The following C13orf46 variants were observed in gnomAD, a reference collection of about 807,000 sequenced individuals.
C13orf46 encodes the protein chromosome 13 open reading frame 46.
At chr13:113,936,871 G>T in the C13orf46 span, among the ~76,000 whole-genome samples, 3 of 152,096 alleles carry the variant, frequency 2.0e-5, no homozygotes, top group African/African-American at 4.8e-5. Flanking sequence ...CCAGTCTTAG[G>T]TTCCACCGTA....
At chr13:113,932,316 C>G in the C13orf46 span, among the ~76,000 whole-genome samples, 1 of 152,324 alleles carries the variant, frequency 6.6e-6, no homozygotes, top group South Asian at 2.1e-4. Context: ...GAACCGTTCC[C>G]TGTGGTTCTT....
rs1377378020 is a variant in C13orf46 at position 113,969,152 on chromosome 13, G to A, written c.243-392C>T. The stretch of plus-strand genomic sequence containing the variant: ...ATGGGCCATGCTGGCCAGTAGGCTG[G>A]AGGGTCCACGGTTGGCCCTGCTGTT... On this transcript the variant is annotated intron_variant, in intron 2 of 6. Transcript: ENST00000636427. 3.9e-5 allele frequency among the ~76,000 whole-genome samples: 6 copies of A among 152,260 alleles called. No homozygotes were observed. The East Asian group carries it at 1.2e-3, about 29-fold the overall frequency.
At chr13:113,945,653 AAAGAAAG>A in the C13orf46 span, among the ~76,000 whole-genome samples, 32 of 138,192 alleles carry the variant, frequency 2.3e-4, no homozygotes, top group Non-Finnish European at 4.7e-4. Context: ...AGAAAGAAAG[AAAGAAAG>A]AAAGAAAGAA....
At chr13:113,938,982 C>G in the C13orf46 span, among the ~76,000 whole-genome samples, 1 of 152,252 alleles carries the variant, frequency 6.6e-6, no homozygotes, top group East Asian at 1.9e-4. Flanking sequence ...CCACCCCCAC[C>G]CCAGGCCCAC....
the C13orf46 span, among the ~76,000 whole-genome samples, chr13:113,939,415 A>T: frequency 3.3e-5 from 5 of 151,776 alleles, no homozygotes; most frequent in Admixed American, 2.6e-4. Context: ...GGGAGGACGC[A>T]GACCACCCAA....
intron 1 of C13orf46, among the ~76,000 whole-genome samples, chr13:113,971,708 G>C (rs910554901): frequency 6.6e-6 from 1 of 152,202 alleles, no homozygotes; most frequent in African/African-American, 2.4e-5. Flanking sequence ...ACACATCCGG[G>C]CACCTGTGGG....
At chr13:113,959,426 G>C (rs2052570075) in intron 6 of C13orf46, among the ~76,000 whole-genome samples, 1 of 152,162 alleles carries the variant, frequency 6.6e-6, no homozygotes, top group Admixed American at 6.5e-5. Context: ...GAAGCTGTCT[G>C]GCCAGGTTGA....
At chr13:113,958,199 T>C (rs1326090061) in intron 6 of C13orf46, among the ~76,000 whole-genome samples, 31 of 103,950 alleles carry the variant, frequency 3.0e-4, no homozygotes, top group South Asian at 1.8e-3. Context: ...TTTCATCAAG[T>C]GCACTGGGGG....
chr13:113,942,626 C>T, the C13orf46 span, among the ~76,000 whole-genome samples: 2 of 152,130 alleles, frequency 1.3e-5, no homozygotes, highest in African/African-American at 4.8e-5. Flanking sequence ...CCATGCCCAG[C>T]CCCCAGGACA....
At chr13:113,957,883 CCA>C (rs2052553359) in intron 6 of C13orf46, among the ~76,000 whole-genome samples, 2 of 145,692 alleles carry the variant, frequency 1.4e-5, no homozygotes, top group East Asian at 2.1e-4. Flanking sequence ...CCCCTGCACT[CCA>C]TATGCACCCC....
At chr13:113,928,688 C>A in the C13orf46 span, 1 of 152,448 alleles carries the variant, frequency 6.6e-6, no homozygotes, top group Non-Finnish European at 1.5e-5. Flanking sequence ...CAGGTGCTGA[C>A]ATGGAGAAGG....
At chr13:113,936,643 T>C in the C13orf46 span, among the ~76,000 whole-genome samples, 70 of 152,096 alleles carry the variant, frequency 4.6e-4, no homozygotes, top group African/African-American at 1.6e-3. Context: ...TCCCTGAAAA[T>C]GCAGAGACCA....
chr13:113,950,789 G>A (rs968403500), downstream of C13orf46, among the ~76,000 whole-genome samples: 7 of 152,318 alleles, frequency 4.6e-5, 1 homozygote, highest in Admixed American at 1.3e-4. Flanking sequence ...ACACAGGAGA[G>A]ACTCCCTCCC....
the C13orf46 span, among the ~76,000 whole-genome samples, chr13:113,948,618 C>T: frequency 2.0e-5 from 3 of 152,190 alleles, no homozygotes; most frequent in Admixed American, 6.5e-5. Flanking sequence ...AAGAGCTCCG[C>T]CCCTCAACCT....
At chr13:113,951,285 C>A (rs1395655985), downstream of C13orf46, among the ~76,000 whole-genome samples, 1 of 152,202 alleles carries the variant, frequency 6.6e-6, no homozygotes, top group Non-Finnish European at 1.5e-5. Context: ...CCCTCAGCAC[C>A]GGGGCCCCCA....
intron 1 of C13orf46, among the ~76,000 whole-genome samples, chr13:113,973,335 C>T (rs2052728577): frequency 6.6e-6 from 1 of 152,198 alleles, no homozygotes; most frequent in Admixed American, 6.5e-5. Context: ...ACGGTCCTCC[C>T]TCTGCTCACC....
At chr13:113,934,922 C>T in the C13orf46 span, among the ~76,000 whole-genome samples, 9 of 152,204 alleles carry the variant, frequency 5.9e-5, no homozygotes, top group East Asian at 3.8e-4. Context: ...AAGGGGCTGT[C>T]CTTGCACCCG....
chr13:113,945,625 A>AAAG, the C13orf46 span, among the ~76,000 whole-genome samples: 1 of 129,370 alleles, frequency 7.7e-6, no homozygotes, highest in Admixed American at 7.7e-5. Context: ...AGAAAGAAAG[A>AAAG]AAGAAAGAAA....
chr13:113,950,162 T>C (rs2052483240), downstream of C13orf46, among the ~76,000 whole-genome samples: 5 of 94,144 alleles, frequency 5.3e-5, no homozygotes, highest in African/African-American at 1.3e-4. Flanking sequence ...ACCCCCACCT[T>C]GGGGACCTCA....
Sources: allele counts gnomAD v4.1 joint callset (sites outside exome capture counted in the v4.1 genomes callset), GRCh38; gene constraint gnomAD v4.1.1; transcripts MANE v1.5; gene names NCBI Gene and HGNC (gene_info 2026-07-23, HGNC 2026-07-21).